PPL: variants seen among roughly 807,000 people sequenced by gnomAD.
The protein encoded by PPL is 190 kDa paraneoplastic pemphigus antigen.
PPL carries 198 observed loss-of-function variants against 194.4 expected under a neutral mutation model. The ratio of observed to expected loss-of-function variants is 1.02; its 90% CI spans 0.91 to 1.15. The LOEUF (loss-of-function observed/expected upper bound fraction) is 1.15. Ranked by LOEUF, PPL falls within the 50% of genes most tolerant of loss-of-function variation. The probability of loss-of-function intolerance (pLI) is 0.00; values close to 1 mark genes in which losing one functional copy is unlikely to be tolerated. For missense variants in PPL, 2,885 were observed against 2,294.8 expected, an observed-to-expected ratio of 1.26 and a Z score of -5.25; for synonymous variants, 1,220 against 972.4, an observed-to-expected ratio of 1.25 and a Z score of -4.74.
intron 1 of PPL, among the ~76,000 whole-genome samples, chr16:4,927,826 G>A (rs1469311784): frequency 6.6e-6 from 1 of 152,240 alleles, no homozygotes; most frequent in African/African-American, 2.4e-5. Context: ...TCTGTGTCAG[G>A]TGAGTGCTTT....
intron 1 of PPL, among the ~76,000 whole-genome samples, chr16:4,919,296 GC>G (rs1224409513): frequency 3.3e-5 from 5 of 152,250 alleles, no homozygotes; most frequent in African/African-American, 9.6e-5. Context: ...TGGGAGGGCA[GC>G]CTGTGTAGGA....
In PPL at chr16:4,900,817, G is replaced by T; in HGVS notation, c.606+13C>A. On this transcript the variant is annotated intron_variant, in intron 6 of 21. Transcript: ENST00000345988. The stretch of plus-strand genomic sequence containing the variant: ...CTCTCCCCATGAGGCCTTTCCCCCA[G>T]GGAGCTCCTCACCAGCAGTTTCTGG... The T allele has an allele frequency of 6.2e-7, 1 of 1,614,038 alleles. No homozygotes were observed. Among genetic ancestry groups the T allele is most frequent in the Non-Finnish European group, 8.5e-7 (1 of 1,180,006 alleles).
At chr16:4,911,153 CTCCTT>C (rs1264416294) in intron 1 of PPL, among the ~76,000 whole-genome samples, 1 of 134,122 alleles carries the variant, frequency 7.5e-6, no homozygotes, top group Non-Finnish European at 1.6e-5. Flanking sequence ...GGCGGTCAGC[CTCCTT>C]TTTTTTTTTT....
rs773316542 is a variant in PPL, at chr16:4,884,985, G to A, written c.3670C>T (p.Pro1224Ser). The change falls in exon 22 of 22, where the codon CCC (proline) becomes TCC (serine). Residue 1224 changes from proline (P) to serine (S), a missense_variant. By Grantham distance (74) the Pro-to-Ser change is moderately conservative (BLOSUM62 -1). Coordinates refer to ENST00000345988, the MANE Select transcript of PPL (RefSeq NM_002705.5). This position sits in a 1 kb window ranked among gnomAD's most constrained non-coding sequence, Gnocchi z 5.7. ...SELEALRRRG[P>S]QVEVKEVTKE... is the part of the protein sequence containing the mutation. ...GTCACCTCTTTGACTTCCACCTGGG[G>A]GCCTCGCCTCCTGAGGGCCTCCAGC... 9 of 1,614,000 alleles carry A rather than the reference G, an allele frequency of 5.6e-6. No individual in the cohort carries two copies. Among genetic ancestry groups the A allele is most frequent in the Non-Finnish European group, 6.8e-6 (8 of 1,180,016 alleles).
chr16:4,910,522 G>T (rs1160480597), intron 2 of PPL, among the ~76,000 whole-genome samples: 2 of 152,070 alleles, frequency 1.3e-5, no homozygotes, highest in East Asian at 3.9e-4. Flanking sequence ...CTTTCCACAG[G>T]GCCCAGGAAG....
At chr16:4,905,990 C>T (rs2088674306) in intron 2 of PPL, among the ~76,000 whole-genome samples, 1 of 152,100 alleles carries the variant, frequency 6.6e-6, no homozygotes, top group Non-Finnish European at 1.5e-5. Context: ...CACCTATAGT[C>T]CTAGCTACTC....
intron 18 of PPL, 88 bp from the exon 19 acceptor site, chr16:4,889,149 C>G: frequency 9.7e-7 from 1 of 1,032,528 alleles, no homozygotes; most frequent in East Asian, 2.5e-5. Flanking sequence ...ATCTCAGAAT[C>G]TGAATTTATT....
At chr16:4,921,112 G>A (rs569457372) in intron 1 of PPL, among the ~76,000 whole-genome samples, 1 of 152,190 alleles carries the variant, frequency 6.6e-6, no homozygotes. Flanking sequence ...TTCCTTCTGG[G>A]CTGGGGATGC....
rs553392367 is a variant in PPL at position 4,900,891 on chromosome 16, C to T, written c.565-20G>A. 2 of 1,614,132 alleles carry T rather than the reference C, an allele frequency of 1.2e-6. No homozygotes were observed. Among genetic ancestry groups the T allele is most frequent in the Non-Finnish European group, 1.7e-6 (2 of 1,180,018 alleles). On this transcript the variant is annotated intron_variant, in intron 5 of 21. Coordinates refer to ENST00000345988, the MANE Select transcript of PPL (RefSeq NM_002705.5). ...CTGCTCCTGAGGACAGAGCCGAGGG[C>T]ATGGGTCAGGGCCAGGAAGCAGGCG...
chr16:4,900,257 G>T (rs1489236951), intron 6 of PPL, among the ~76,000 whole-genome samples: 2 of 152,002 alleles, frequency 1.3e-5, no homozygotes, highest in South Asian at 2.1e-4. Flanking sequence ...AAAGCAAGTG[G>T]CATCATACTT....
intron 1 of PPL, among the ~76,000 whole-genome samples, chr16:4,936,194 G>A (rs897505493): frequency 2.0e-5 from 3 of 152,304 alleles, no homozygotes; most frequent in African/African-American, 7.2e-5. Flanking sequence ...GCTCAGAGAC[G>A]CCGCCAGTTT....
At chr16:4,923,113 A>G (rs765181559) in intron 1 of PPL, among the ~76,000 whole-genome samples, 4 of 152,168 alleles carry the variant, frequency 2.6e-5, no homozygotes, top group Non-Finnish European at 4.4e-5. Flanking sequence ...TTCCGTCCGC[A>G]TAAGGGAAAC....
At chr16:4,934,133 G>T (rs144883768) in intron 1 of PPL, among the ~76,000 whole-genome samples, 1 of 152,130 alleles carries the variant, frequency 6.6e-6, no homozygotes, top group African/African-American at 2.4e-5. Flanking sequence ...GGCTGTCCTC[G>T]GTCACCTGCA....
chr16:4,889,241 G>GTTTTTTTTTTTTTTTTTT (rs869094472), intron 18 of PPL, among the ~76,000 whole-genome samples, 180 bp from the exon 19 acceptor site: 3 of 66,634 alleles, frequency 4.5e-5, no homozygotes, highest in African/African-American at 2.3e-4. Flanking sequence ...TGTTGTTGTT[G>GTTTTTTTTTTTTTTTTTT]TTTTTTTTTT....
In PPL at chr16:4,899,030, C is replaced by G. The variant is rs374651720; in HGVS notation, c.859G>C (p.Gly287Arg). The G allele has an allele frequency of 1.2e-6, 2 of 1,613,574 alleles. No homozygotes were observed. The highest frequency in any genetic ancestry group is 1.7e-5 in the Admixed American group (1 of 60,014). The change falls in exon 8 of 22, where the codon GGG (glycine) becomes CGG (arginine). Residue 287 changes from glycine (G) to arginine (R), a missense_variant. By Grantham distance (125) the Gly-to-Arg change is moderately radical. Coordinates refer to ENST00000345988, the MANE Select transcript of PPL (RefSeq NM_002705.5). ...GDQLLAAEHP[G>R]RNSIEAHMEA... ...GCATGAACCTCAATGGAGTTCCTCC[C>G]GGGGTGCTCGGCCGCCAGCAGCTGG...
At chr16:4,890,068 G>A in intron 18 of PPL, 116 bp downstream of exon 18, 2 of 1,443,646 alleles carry the variant, frequency 1.4e-6, no homozygotes, top group Non-Finnish European at 1.9e-6. Flanking sequence ...ACACAGCTGT[G>A]GCAGGCCTCT....
intron 1 of PPL, among the ~76,000 whole-genome samples, chr16:4,925,103 A>C (rs2089131672): frequency 6.6e-6 from 1 of 152,094 alleles, no homozygotes; most frequent in Admixed American, 6.5e-5. Flanking sequence ...TTGGGGTTGC[A>C]TTGCTGCTGG....
chr16:4,903,136 A>C (rs953526775), intron 3 of PPL, among the ~76,000 whole-genome samples: 5 of 152,104 alleles, frequency 3.3e-5, no homozygotes, highest in Non-Finnish European at 7.4e-5. Context: ...GGTGCATGCC[A>C]TGCCAAGGAC....
intron 1 of PPL, among the ~76,000 whole-genome samples, chr16:4,928,403 G>A (rs1391562481): frequency 2.6e-5 from 4 of 152,236 alleles, no homozygotes; most frequent in Admixed American, 1.3e-4. Flanking sequence ...CTTTGAGAGG[G>A]CTGGCAGGGT....
Sources: allele counts gnomAD v4.1 joint callset (sites outside exome capture counted in the v4.1 genomes callset), GRCh38; gene constraint gnomAD v4.1.1; non-coding constraint Gnocchi (gnomAD v3.1); transcripts MANE v1.5; gene names NCBI Gene and HGNC (gene_info 2026-07-23, HGNC 2026-07-21).